L3MBTL1: variants seen among roughly 807,000 people sequenced by gnomAD.
L3MBTL1 encodes the protein lethal(3)malignant brain tumor-like protein 1.
L3MBTL1 carries 75 observed loss-of-function variants against 105.3 expected under a neutral mutation model. The ratio of observed to expected loss-of-function variants is 0.71; its 90% CI spans 0.59 to 0.86. The LOEUF is 0.86. L3MBTL1 is among the 40% of genes least tolerant of loss of function. L3MBTL1 has a pLI of 0.00. For synonymous variants in L3MBTL1, 452 were observed against 436.2 expected (o/e 1.04, Z -0.45); for missense variants, 1,069 against 1,126.4 (o/e 0.95, Z 0.73).
chr20:43,523,286 G>A (rs1034123409), intron 7 of L3MBTL1: 1 of 197,884 alleles, frequency 5.1e-6, no homozygotes, highest in Non-Finnish European at 1.1e-5. Context: ...CAAGCTTGGC[G>A]ACCATCAGCA....
chr20:43,531,010 ATC>A (rs1423340986), intron 11 of L3MBTL1, 121 bp downstream of exon 11: 8 of 777,098 alleles, frequency 1.0e-5, no homozygotes, highest in Middle Eastern at 2.4e-4. Context: ...CTTTGTTCTG[ATC>A]TCTCATATCA....
At chr20:43,542,492 A>AG (rs1017515099), downstream of L3MBTL1, among the ~76,000 whole-genome samples, 1 of 152,046 alleles carries the variant, frequency 6.6e-6, no homozygotes, top group Non-Finnish European at 1.5e-5. Context: ...ATAGAGAGAT[A>AG]GGCACACATC....
chr20:43,521,745 G>T (rs2018715899), intron 7 of L3MBTL1, among the ~76,000 whole-genome samples: 1 of 152,168 alleles, frequency 6.6e-6, no homozygotes, highest in South Asian at 2.1e-4. Flanking sequence ...TAGAGACAGG[G>T]TCTTACTGTG....
At chr20:43,519,886 C>T (rs149333289) in intron 7 of L3MBTL1, among the ~76,000 whole-genome samples, 14 of 152,206 alleles carry the variant, frequency 9.2e-5, no homozygotes, top group Admixed American at 2.6e-4. Flanking sequence ...ATGATTAGTG[C>T]TTTTTCCATA....
intron 13 of L3MBTL1, among the ~76,000 whole-genome samples, 178 bp from the exon 14 acceptor site, chr20:43,533,830 G>C (rs1332131311): frequency 6.6e-6 from 1 of 152,154 alleles, no homozygotes; most frequent in South Asian, 2.1e-4. Flanking sequence ...TGCCTTGCTT[G>C]GTTCTACTAG....
At chr20:43,517,162 C>T (rs2018444322) in intron 7 of L3MBTL1, among the ~76,000 whole-genome samples, 1 of 151,802 alleles carries the variant, frequency 6.6e-6, no homozygotes, top group South Asian at 2.1e-4. Flanking sequence ...GCAGTAGCGC[C>T]ATCTTGGCTC....
In L3MBTL1 at chr20:43,540,277, C is replaced by A; in HGVS notation, c.2300C>A (p.Ala767Asp). Reference sequence around the variant, plus strand: ...CTGCCAGGAGTAGCGGGCATCTCAGCCTCGACAGTCGCCAAGTGGACCATC... The same window carrying A: ...CTGCCAGGAGTAGCGGGCATCTCAGACTCGACAGTCGCCAAGTGGACCATC... ...KLLPGVAGIS[A>D]STVAKWTIDE... is the part of the protein sequence containing the mutation. Residue 767 changes from alanine (A) to aspartate (D), a missense_variant, in exon 20 of 22, where the codon GCC becomes GAC. Coordinates refer to ENST00000418998, the MANE Select transcript of L3MBTL1 (RefSeq NM_001377303.1). The A allele has an allele frequency of 6.2e-7, 1 of 1,613,836 alleles. No homozygotes were observed. The highest frequency in any genetic ancestry group is 8.5e-7 in the Non-Finnish European group (1 of 1,180,034).
At chr20:43,514,443 A>G in intron 3 of L3MBTL1, 192 bp from the exon 4 acceptor site, 1 of 1,485,186 alleles carries the variant, frequency 6.7e-7, no homozygotes, top group Non-Finnish European at 9.0e-7. Context: ...TGGACCCCGC[A>G]GGTGCTTGGG....
intron 7 of L3MBTL1, among the ~76,000 whole-genome samples, chr20:43,528,435 G>T (rs559674934): frequency 5.3e-5 from 8 of 152,152 alleles, no homozygotes; most frequent in Non-Finnish European, 1.0e-4. Context: ...CTGAGCGGGT[G>T]GGGGGGAAGT....
intron 7 of L3MBTL1, among the ~76,000 whole-genome samples, chr20:43,526,775 A>G (rs1478150722): frequency 6.6e-6 from 1 of 152,126 alleles, no homozygotes; most frequent in Non-Finnish European, 1.5e-5. Flanking sequence ...ACATGGTGAA[A>G]CCCCGTCTCT....
chr20:43,514,609 A>G (rs1365787082), intron 3 of L3MBTL1, 26 bp from the exon 4 acceptor site: 20 of 1,599,204 alleles, frequency 1.3e-5, no homozygotes, highest in South Asian at 2.3e-5. Flanking sequence ...CGGGAGTCGC[A>G]ATCCTCAGAC....
intron 7 of L3MBTL1, among the ~76,000 whole-genome samples, chr20:43,527,601 G>A (rs554407310): frequency 2.5e-4 from 34 of 138,454 alleles, no homozygotes; most frequent in Non-Finnish European, 4.6e-4. Context: ...CATAGGCTGT[G>A]TGTGTCTGGG....
chr20:43,539,311 C>G (rs2019788694), intron 19 of L3MBTL1: 1 of 152,786 alleles, frequency 6.5e-6, no homozygotes, highest in Non-Finnish European at 1.5e-5. Context: ...GGGAAAGTGG[C>G]CACATTGCAC....
In L3MBTL1 at chr20:43,533,517, G is replaced by T; in HGVS notation, c.1513+99G>T. On this transcript the variant is annotated intron_variant, in intron 13 of 21. Transcript: ENST00000418998. ...TAGTGCCCCAGTAGCTGGCTCTCTAGGGTCAGGGTGAGAGAACAGACATGT... is the reference window on the plus strand; with the variant it reads ...TAGTGCCCCAGTAGCTGGCTCTCTATGGTCAGGGTGAGAGAACAGACATGT... The T allele has an allele frequency of 3.0e-6, 3 of 993,088 alleles. No homozygotes were observed. In the East Asian group the frequency reaches 7.5e-5, roughly 25 times the overall value. 61.5% of individuals were successfully genotyped at this position (993,088 alleles called of 1,614,324 possible).
chr20:43,516,982 G>A (rs2018428032), intron 7 of L3MBTL1, among the ~76,000 whole-genome samples: 1 of 151,958 alleles, frequency 6.6e-6, no homozygotes, highest in Non-Finnish European at 1.5e-5. Flanking sequence ...TTGTTATAGA[G>A]ATGGGGATCT....
At chr20:43,527,567 G>A (rs1442272358) in intron 7 of L3MBTL1, among the ~76,000 whole-genome samples, 1 of 96,342 alleles carries the variant, frequency 1.0e-5, no homozygotes, top group Non-Finnish European at 2.2e-5. Context: ...GTATGTGTGT[G>A]TGCACATAGG....
chr20:43,520,987 T>C (rs1453621694), intron 7 of L3MBTL1, among the ~76,000 whole-genome samples: 1 of 152,236 alleles, frequency 6.6e-6, no homozygotes, highest in East Asian at 1.9e-4. Context: ...CCAAAGGCAA[T>C]TTTAATGGCT....
intron 1 of L3MBTL1, among the ~76,000 whole-genome samples, chr20:43,508,184 GT>G (rs777320055): frequency 3.8e-4 from 56 of 149,000 alleles, no homozygotes; most frequent in Non-Finnish European, 6.7e-4. Context: ...AATTTTTTTT[GT>G]TTCTCTCTCT....
intron 15 of L3MBTL1, 64 bp downstream of exon 15, chr20:43,534,458 T>A (rs1568926287): frequency 7.7e-7 from 1 of 1,301,484 alleles, no homozygotes; most frequent in Non-Finnish European, 1.1e-6. Flanking sequence ...CTGTAGACTG[T>A]TTAGAGGTCA....
Sources: gnomAD v4.1 joint callset for allele counts (sites outside exome capture counted in the v4.1 genomes callset) on GRCh38, gnomAD v4.1.1 for gene constraint, MANE v1.5 for transcripts, NCBI Gene and HGNC (gene_info 2026-07-23, HGNC 2026-07-21) for gene names.